The following RAPGEF4 variants were observed in gnomAD, a reference collection of about 807,000 sequenced individuals.
RAPGEF4 encodes Rap guanine nucleotide exchange factor 4.
RAPGEF4 carries 66 observed loss-of-function variants against 147.9 expected under a neutral mutation model. The ratio of observed to expected loss-of-function variants is 0.45; its 90% confidence interval spans 0.37 to 0.55. RAPGEF4 has a LOEUF of 0.55. Among genes scored for constraint, RAPGEF4 ranks in the 20% least tolerant of loss-of-function variants. The pLI is 0.00. For synonymous variants in RAPGEF4, 419 were observed against 442.7 expected (o/e 0.95, Z 0.67); for missense variants, 1,071 against 1,257.3 (o/e 0.85, Z 2.24).
At chr2:172,768,501 A>C (rs1697057522) in intron 1 of RAPGEF4, among the ~76,000 whole-genome samples, 1 of 150,426 alleles carries the variant, frequency 6.6e-6, no homozygotes, top group Non-Finnish European at 1.5e-5. Flanking sequence ...TTTGCAACCA[A>C]AAGTAAAAAA....
At chr2:173,004,993 C>T (rs1378935014) in intron 17 of RAPGEF4, among the ~76,000 whole-genome samples, 4 of 151,812 alleles carry the variant, frequency 2.6e-5, no homozygotes, top group Admixed American at 2.0e-4. Context: ...TACTGGGCAA[C>T]AAGGGGGCAA....
At position 173,048,479 on chromosome 2, in the gene RAPGEF4, C is replaced by T. The variant is rs528281854; in HGVS notation, c.2854-121C>T. The T allele has an allele frequency of 9.1e-5, 134 of 1,466,730 alleles. 1 individual carries two copies. In the South Asian group the frequency reaches 1.8e-3, roughly 20 times the overall value. 90.9% of individuals were successfully genotyped at this position (1,466,730 alleles called of 1,614,324 possible). A position where few individuals can be genotyped will look rare whatever the true frequency, so the allele number is the denominator to read the frequency against. Reference sequence around the variant, plus strand: ...CAGCTAGTTGCCTTCAGATAGTCAACATCTCAGAACATGTCACTTCTCATG... The same window carrying T: ...CAGCTAGTTGCCTTCAGATAGTCAATATCTCAGAACATGTCACTTCTCATG... On this transcript the variant is annotated intron_variant, in intron 29 of 30. Transcript: ENST00000397081.
At chr2:173,039,928 G>A (rs540746358) in intron 29 of RAPGEF4, among the ~76,000 whole-genome samples, 54 of 152,286 alleles carry the variant, frequency 3.5e-4, no homozygotes, top group African/African-American at 1.2e-3. Context: ...GGTGGCTCAT[G>A]TCTGTAATCC....
intron 6 of RAPGEF4, among the ~76,000 whole-genome samples, chr2:172,943,793 G>T (rs2105344333): frequency 6.6e-6 from 1 of 152,280 alleles, no homozygotes; most frequent in East Asian, 1.9e-4. Flanking sequence ...CCTGAGAACA[G>T]TTGTTGCATG....
chr2:172,911,958 G>A (rs1256494338), intron 4 of RAPGEF4, among the ~76,000 whole-genome samples: 1 of 151,412 alleles, frequency 6.6e-6, no homozygotes, highest in Non-Finnish European at 1.5e-5. Context: ...GTAGAGATGA[G>A]GTCTGGCTAT....
intron 10 of RAPGEF4, among the ~76,000 whole-genome samples, chr2:172,975,951 A>G (rs1242224896): frequency 6.6e-5 from 10 of 151,720 alleles, no homozygotes; most frequent in Non-Finnish European, 1.3e-4. Flanking sequence ...TACAGTTTCT[A>G]AATGTGATCA....
chr2:173,032,178 G>A (rs1288202908), intron 26 of RAPGEF4, among the ~76,000 whole-genome samples: 2 of 152,340 alleles, frequency 1.3e-5, no homozygotes, highest in South Asian at 2.1e-4. Context: ...ATCTGGAGCA[G>A]AACAGTTCTT....
At chr2:172,938,886 G>A (rs1243238021) in intron 6 of RAPGEF4, among the ~76,000 whole-genome samples, 5 of 152,108 alleles carry the variant, frequency 3.3e-5, no homozygotes, top group African/African-American at 4.8e-5. Context: ...GTTTACTCTC[G>A]ATAAAGTTTT....
intron 4 of RAPGEF4, among the ~76,000 whole-genome samples, chr2:172,843,376 G>C (rs912007000): frequency 2.0e-5 from 3 of 152,212 alleles, no homozygotes; most frequent in Non-Finnish European, 2.9e-5. Flanking sequence ...GCAAGTCAAA[G>C]CATGCACACT....
chr2:172,959,008 G>A (rs1217105071), intron 6 of RAPGEF4, among the ~76,000 whole-genome samples: 1 of 152,016 alleles, frequency 6.6e-6, no homozygotes, highest in African/African-American at 2.4e-5. Context: ...AGGACTAGAG[G>A]GAAAACTTAT....
At chr2:172,786,040 T>C (rs1055741257) in intron 1 of RAPGEF4, among the ~76,000 whole-genome samples, 11 of 152,180 alleles carry the variant, frequency 7.2e-5, no homozygotes, top group Non-Finnish European at 1.3e-4. Flanking sequence ...GGTTATTGTG[T>C]GTTCTTTCCC....
intron 6 of RAPGEF4, among the ~76,000 whole-genome samples, chr2:172,945,414 T>G (rs1282748319): frequency 6.6e-6 from 1 of 152,160 alleles, no homozygotes; most frequent in Admixed American, 6.6e-5. Context: ...GGTTTCTGAG[T>G]CCTTAAAGGT....
intron 4 of RAPGEF4, among the ~76,000 whole-genome samples, chr2:172,817,264 A>G (rs1484951649): frequency 2.0e-5 from 3 of 152,230 alleles, no homozygotes; most frequent in Non-Finnish European, 4.4e-5. Flanking sequence ...AATAAAAATC[A>G]TAGAATCTCA....
At chr2:173,017,050 A>G in intron 19 of RAPGEF4, 124 bp from the exon 20 acceptor site, 1 of 910,816 alleles carries the variant, frequency 1.1e-6, no homozygotes, top group Non-Finnish European at 1.7e-6. Flanking sequence ...GGAAGCTCAT[A>G]TTGTCTCCTG....
intron 4 of RAPGEF4, among the ~76,000 whole-genome samples, chr2:172,831,102 T>A (rs2149669639): frequency 6.6e-6 from 1 of 152,168 alleles, no homozygotes; most frequent in South Asian, 2.1e-4. Flanking sequence ...TGAGTCAAAA[T>A]TTTCACACAA....
intron 6 of RAPGEF4, among the ~76,000 whole-genome samples, chr2:172,958,066 C>T (rs1688920745): frequency 6.6e-6 from 1 of 152,178 alleles, no homozygotes; most frequent in Non-Finnish European, 1.5e-5. Context: ...AGAATAAACA[C>T]TTATCACCAG....
chr2:173,013,683 T>C (rs943799294), intron 17 of RAPGEF4, among the ~76,000 whole-genome samples: 2 of 152,164 alleles, frequency 1.3e-5, no homozygotes, highest in South Asian at 4.1e-4. Context: ...ACTTGTTGCA[T>C]TAATGAATAA....
chr2:172,917,267 T>C (rs559729656), intron 4 of RAPGEF4, among the ~76,000 whole-genome samples: 3 of 152,212 alleles, frequency 2.0e-5, no homozygotes, highest in Non-Finnish European at 2.9e-5. Context: ...CAAAAGTTCT[T>C]TGGAGGTCAC....
At chr2:172,844,326 T>G (rs1691939818) in intron 4 of RAPGEF4, among the ~76,000 whole-genome samples, 1 of 152,200 alleles carries the variant, frequency 6.6e-6, no homozygotes, top group Non-Finnish European at 1.5e-5. Context: ...GTTAAGCCTC[T>G]TCGGCCTCTG....
Sources: allele counts gnomAD v4.1 joint callset (sites outside exome capture counted in the v4.1 genomes callset), GRCh38; gene constraint gnomAD v4.1.1; transcripts MANE v1.5; gene names NCBI Gene and HGNC (gene_info 2026-07-23, HGNC 2026-07-21).